DIS3L2: variants seen among roughly 807,000 people sequenced by gnomAD.
DIS3L2 encodes the protein DIS3-like exonuclease 2.
Under a neutral mutation model 97.5 loss-of-function variants are expected in DIS3L2, and 34 were observed. That is an observed-to-expected ratio of 0.35 (90% CI 0.27 to 0.46). DIS3L2 has a LOEUF of 0.46. Ranked by LOEUF, DIS3L2 falls within the 20% of genes least tolerant of loss-of-function variation. The pLI, the probability that DIS3L2 is intolerant of heterozygous loss-of-function variation, is 1.00. For synonymous variants in DIS3L2, 435 were observed against 445.2 expected, an observed-to-expected ratio of 0.98 and a Z score of 0.29; for missense variants, 1,038 against 1,146.0, an observed-to-expected ratio of 0.91 and a Z score of 1.36.
intron 1 of DIS3L2, among the ~76,000 whole-genome samples, chr2:231,979,411 C>G (rs1031781137): frequency 4.0e-5 from 6 of 151,830 alleles, no homozygotes; most frequent in Non-Finnish European, 8.8e-5. Flanking sequence ...CATTCACCAC[C>G]ATGCCCGGCT....
At chr2:232,343,557 A>C in exon 14 of DIS3L2, 1 of 1,571,294 alleles carries the variant, frequency 6.4e-7, no homozygotes, top group Non-Finnish European at 8.6e-7. Flanking sequence ...AGGAGCAGAC[A>C]ACCCAGTTGC....
At chr2:232,220,152 T>C (rs1692451779) in intron 10 of DIS3L2, among the ~76,000 whole-genome samples, 1 of 135,796 alleles carries the variant, frequency 7.4e-6, no homozygotes. Context: ...AATAAATAAA[T>C]AAATAAATAA....
At chr2:232,148,880 A>G (rs949294149) in intron 8 of DIS3L2, among the ~76,000 whole-genome samples, 10 of 147,058 alleles carry the variant, frequency 6.8e-5, no homozygotes, top group Admixed American at 6.2e-4. Context: ...TCTTCTTCCA[A>G]TTATTAAAAA....
rs1695550632 is a variant in DIS3L2, at chr2:232,325,654, T to G, written c.1740-4159T>G. Among the ~76,000 whole-genome samples, 1 of 152,156 alleles carries G rather than the reference T, an allele frequency of 6.6e-6. No homozygotes were observed. The highest frequency in any genetic ancestry group is 2.4e-5 in the African/African-American group (1 of 41,432). ...CCCTGGTGGTGCAGGTTCCAGACGC[T>G]TGGCTGATGCCAGGCCTGGATCCAA... On this transcript the variant is annotated intron_variant, in intron 14 of 20. Coordinates refer to ENST00000325385, the MANE Select transcript of DIS3L2 (RefSeq NM_152383.5). This position sits in a 1 kb window ranked among gnomAD's most constrained non-coding sequence, Gnocchi z 4.6.
chr2:232,270,765 G>A (rs1476047816), intron 13 of DIS3L2, among the ~76,000 whole-genome samples: 1 of 152,170 alleles, frequency 6.6e-6, no homozygotes, highest in African/African-American at 2.4e-5. Context: ...TACTCCTTCA[G>A]TAGTATGTGA....
At chr2:232,337,307 C>T, downstream of DIS3L2, 5 of 555,420 alleles carry the variant, frequency 9.0e-6, no homozygotes, top group Non-Finnish European at 1.1e-5. Context: ...TGGTGGGAGT[C>T]ATGGGTCCTG....
intron 1 of DIS3L2, among the ~76,000 whole-genome samples, chr2:231,977,255 A>G (rs1157176645): frequency 1.3e-5 from 2 of 152,188 alleles, no homozygotes; most frequent in African/African-American, 2.4e-5. Flanking sequence ...TGTCTGTACA[A>G]TCTTATATAT....
rs55976511 is a variant in DIS3L2 at position 232,308,186 on chromosome 2, G to A, written c.1739+8067G>A. On this transcript the variant is annotated intron_variant, in intron 14 of 20. Coordinates refer to ENST00000325385, the MANE Select transcript of DIS3L2 (RefSeq NM_152383.5). ...TGGCTGTGTTAGTTATAAAGACCTC[G>A]TAGTTTTGGGGGTGCAGTTGCCCTG... Among the ~76,000 whole-genome samples the A allele has an allele frequency of 9.4e-4, 143 of 152,316 alleles. 1 individual carries two copies. The highest frequency in any genetic ancestry group is 2.7e-3 in the African/African-American group (112 of 41,574).
At chr2:232,018,876 A>G (rs1694429369) in intron 3 of DIS3L2, among the ~76,000 whole-genome samples, 1 of 152,150 alleles carries the variant, frequency 6.6e-6, no homozygotes, top group African/African-American at 2.4e-5. Flanking sequence ...GTAGTTTTGA[A>G]GTTTAAAAAA....
intron 8 of DIS3L2, among the ~76,000 whole-genome samples, chr2:232,155,882 C>T (rs565019874): frequency 8.0e-4 from 121 of 151,096 alleles, no homozygotes; most frequent in Non-Finnish European, 1.3e-3. Flanking sequence ...CCCAGCTACT[C>T]GGGAGGCCGA....
At position 232,201,331 on chromosome 2, in the gene DIS3L2, G is replaced by T. The variant is rs569455408; in HGVS notation, c.1125-8995G>T. Among the ~76,000 whole-genome samples, 435 of 152,296 alleles carry T rather than the reference G, an allele frequency of 2.9e-3. 1 individual carries two copies. The highest frequency in any genetic ancestry group is 4.7e-3 in the Non-Finnish European group (323 of 68,026). On this transcript the variant is annotated intron_variant, in intron 9 of 20. Coordinates refer to ENST00000325385, the MANE Select transcript of DIS3L2 (RefSeq NM_152383.5). ...CTTTTTACCCAACTTTCCATTTATA[G>T]GAAATACAGAGGAGATGAATTTTGT... is the stretch of plus-strand genomic sequence containing the variant.
intron 11 of DIS3L2, among the ~76,000 whole-genome samples, chr2:232,247,943 C>T (rs558926340): frequency 1.3e-5 from 2 of 152,024 alleles, no homozygotes; most frequent in South Asian, 2.1e-4. Flanking sequence ...AAGCTGTTAG[C>T]GAAGGCTGGT....
Position 232,037,378 on chromosome 2 carries a change from C to T in DIS3L2, c.366+7298C>T, listed in dbSNP as rs1694979743. On this transcript the variant is annotated intron_variant, in intron 5 of 20. Transcript: ENST00000325385. The surrounding 1 kb of genome is among the most constrained non-coding windows in gnomAD (Gnocchi z 4.6). ...ACTTAAGCCTCCGTAATGGCAGACG[C>T]CCCTCCCCACCAAGCTCAAGTGTCC... Among the ~76,000 whole-genome samples the T allele has an allele frequency of 6.6e-6, 1 of 152,146 alleles. No homozygotes were observed. Among genetic ancestry groups the T allele is most frequent in the Non-Finnish European group, 1.5e-5 (1 of 68,020 alleles).
intron 5 of DIS3L2, among the ~76,000 whole-genome samples, chr2:232,044,209 G>A (rs1695179530): frequency 6.6e-6 from 1 of 152,100 alleles, no homozygotes; most frequent in East Asian, 1.9e-4. Context: ...TTTGAGGAAG[G>A]TGACATAGTC....
intron 14 of DIS3L2, chr2:232,328,619 G>A (rs1475293630): frequency 1.3e-5 from 2 of 151,970 alleles, no homozygotes; most frequent in Admixed American, 6.6e-5. Flanking sequence ...CCAGGCCTGC[G>A]GGAGCTTCCT....
At chr2:232,321,642 C>G (rs1482499342) in intron 14 of DIS3L2, among the ~76,000 whole-genome samples, 1 of 152,186 alleles carries the variant, frequency 6.6e-6, no homozygotes, top group Non-Finnish European at 1.5e-5. Context: ...GAAAAGCAAC[C>G]CTGCTCAGCC....
chr2:232,338,827 G>A (rs1696046412), downstream of DIS3L2, among the ~76,000 whole-genome samples: 2 of 152,410 alleles, frequency 1.3e-5, no homozygotes, highest in South Asian at 2.1e-4. Context: ...TCAACAGAAA[G>A]AGTGACCAGG....
chr2:232,200,787 T>G (rs72992356), intron 9 of DIS3L2, among the ~76,000 whole-genome samples: 35,693 of 105,920 alleles, frequency 0.34, 6,965 homozygotes, highest in African/African-American at 0.59. Flanking sequence ...AAGGTTTTTT[T>G]TTTTTTTTTT....
At chr2:232,050,558 G>A (rs1695373312) in intron 5 of DIS3L2, among the ~76,000 whole-genome samples, 2 of 152,088 alleles carry the variant, frequency 1.3e-5, no homozygotes, top group Admixed American at 1.3e-4. Flanking sequence ...TTACAGGCGT[G>A]AGCCACTGCA....
Sources: gnomAD v4.1 joint callset for allele counts (sites outside exome capture counted in the v4.1 genomes callset) on GRCh38, gnomAD v4.1.1 for gene constraint, Gnocchi (gnomAD v3.1) non-coding constraint, MANE v1.5 for transcripts, NCBI Gene and HGNC (gene_info 2026-07-23, HGNC 2026-07-21) for gene names.